Variants in CNTNAP2 observed in about 807,000 individuals in gnomAD.
CNTNAP2 encodes the protein contactin associated protein 2.
In CNTNAP2, 98 loss-of-function variants were observed where a neutral mutation model predicts 155.2. That is an observed-to-expected ratio of 0.63 (90% confidence interval 0.54 to 0.75). The LOEUF is 0.75. Ranked by LOEUF, CNTNAP2 falls within the 30% of genes least tolerant of loss-of-function variation. CNTNAP2 has a pLI of 0.00. For missense variants in CNTNAP2, 1,727 were observed against 1,688.1 expected (o/e 1.02, Z -0.40); for synonymous variants, 651 against 631.2 (o/e 1.03, Z -0.47).
At chr7:147,007,317 G>A (rs1008961204) in intron 3 of CNTNAP2, among the ~76,000 whole-genome samples, 1 of 152,026 alleles carries the variant, frequency 6.6e-6, no homozygotes, top group African/African-American at 2.4e-5. Flanking sequence ...TAACCACAGA[G>A]CATAAATTTT....
intron 21 of CNTNAP2, among the ~76,000 whole-genome samples, chr7:148,363,961 C>T (rs1299846137): frequency 1.3e-5 from 2 of 152,186 alleles, no homozygotes; most frequent in Non-Finnish European, 2.9e-5. Context: ...GGGCCAGTGG[C>T]TGCGGAGGGT....
intron 12 of CNTNAP2, among the ~76,000 whole-genome samples, chr7:147,604,144 A>G (rs577748532): frequency 1.5e-4 from 23 of 152,188 alleles, no homozygotes; most frequent in Admixed American, 9.2e-4. Flanking sequence ...AGGCATTACC[A>G]TTCAGGACAT....
At chr7:147,508,274 C>A (rs1321738988) in intron 11 of CNTNAP2, among the ~76,000 whole-genome samples, 1 of 152,160 alleles carries the variant, frequency 6.6e-6, no homozygotes, top group African/African-American at 2.4e-5. Context: ...CCCTGTCCCC[C>A]ATTCCAACCA....
chr7:146,920,912 C>A (rs1406682291), intron 3 of CNTNAP2, among the ~76,000 whole-genome samples: 1 of 152,020 alleles, frequency 6.6e-6, no homozygotes, highest in African/African-American at 2.4e-5. Context: ...ATACAGGAAC[C>A]AGTAAAACAA....
chr7:147,061,407 A>C (rs1799667549), intron 4 of CNTNAP2, among the ~76,000 whole-genome samples: 1 of 152,242 alleles, frequency 6.6e-6, no homozygotes. Flanking sequence ...TCAGATGCAC[A>C]TAAAAGTTCT....
chr7:147,084,511 T>C (rs1333570789), intron 4 of CNTNAP2, among the ~76,000 whole-genome samples: 1 of 141,802 alleles, frequency 7.1e-6, no homozygotes, highest in African/African-American at 2.5e-5. Flanking sequence ...AAATGCTCTA[T>C]ATTGTATATA....
Position 147,662,841 on chromosome 7 carries a change from A to G in CNTNAP2, c.2098+23535A>G, listed in dbSNP as rs533960294. On this transcript the variant is annotated intron_variant, in intron 13 of 23. Coordinates refer to ENST00000361727, the MANE Select transcript of CNTNAP2 (RefSeq NM_014141.6). ...ATCTAGCAAATTAATACAACCAACG[A>G]AAGCCGACAGACTACATTGATTTGA... 1.5e-3 allele frequency among the ~76,000 whole-genome samples: 224 copies of G among 152,334 alleles called. 1 individual carries two copies. Among genetic ancestry groups the G allele is most frequent in the African/African-American group, 5.1e-3 (213 of 41,574 alleles).
chr7:146,417,502 G>C (rs1795954117), intron 1 of CNTNAP2, among the ~76,000 whole-genome samples: 1 of 152,142 alleles, frequency 6.6e-6, no homozygotes, highest in African/African-American at 2.4e-5. Flanking sequence ...AGTTAAACAT[G>C]AAGACAACTT....
rs912390316 is a variant in CNTNAP2, at chr7:148,208,700, T to C, written c.3011-8588T>C. 6.8e-4 allele frequency among the ~76,000 whole-genome samples: 104 copies of C among 152,228 alleles called. 1 individual carries two copies. Among genetic ancestry groups the C allele is most frequent in the African/African-American group, 2.5e-3 (102 of 41,542 alleles). ...TGAATGGAGTTCAGGCCAAAATCAA[T>C]GATTAGGAAGTGAAAATGAGGAGAT... On this transcript the variant is annotated intron_variant, in intron 18 of 23. Coordinates refer to ENST00000361727, the MANE Select transcript of CNTNAP2 (RefSeq NM_014141.6).
At chr7:147,386,850 T>G (rs1161622603) in intron 9 of CNTNAP2, among the ~76,000 whole-genome samples, 1 of 152,206 alleles carries the variant, frequency 6.6e-6, no homozygotes, top group East Asian at 1.9e-4. Flanking sequence ...ATTTTCATGC[T>G]GCTGATAAAA....
chr7:147,105,375 G>T (rs1019189115), intron 4 of CNTNAP2, among the ~76,000 whole-genome samples: 2 of 151,902 alleles, frequency 1.3e-5, no homozygotes, highest in South Asian at 4.1e-4. Flanking sequence ...TGTTCAGATT[G>T]CTTAAACAGT....
rs61732849 is a variant in CNTNAP2, at chr7:147,562,214, C to A, written c.1854C>A (p.Gly618=). The A allele has an allele frequency of 6.2e-7, 1 of 1,613,988 alleles. No individual in the cohort carries two copies. The highest frequency in any genetic ancestry group is 8.5e-7 in the Non-Finnish European group (1 of 1,179,922). ...TSNYYWIDPD[G]SGPLGPLKVY... Reference sequence around the variant, plus strand: ...ATTATTACTGGATAGATCCTGATGGCAGCGGACCTCTGGGGCCTCTGAAAG... The same window carrying A: ...ATTATTACTGGATAGATCCTGATGGAAGCGGACCTCTGGGGCCTCTGAAAG... The change falls in exon 12 of 24, where the codon GGC becomes GGA. Residue 618 remains glycine, a synonymous_variant. Coordinates refer to ENST00000361727, the MANE Select transcript of CNTNAP2 (RefSeq NM_014141.6).
chr7:146,507,913 T>C (rs1265677952), intron 1 of CNTNAP2, among the ~76,000 whole-genome samples: 1 of 152,154 alleles, frequency 6.6e-6, no homozygotes, highest in Non-Finnish European at 1.5e-5. Flanking sequence ...TTCCTGGCTC[T>C]CTGGTGTGAT....
At chr7:146,779,659 GA>G (rs1191599124) in intron 2 of CNTNAP2, among the ~76,000 whole-genome samples, 1 of 152,150 alleles carries the variant, frequency 6.6e-6, no homozygotes, top group East Asian at 1.9e-4. Flanking sequence ...TTACTTAGTA[GA>G]TATGTCTAAG....
At chr7:147,787,840 T>A (rs1797762079) in intron 13 of CNTNAP2, among the ~76,000 whole-genome samples, 1 of 152,220 alleles carries the variant, frequency 6.6e-6, no homozygotes. Context: ...AAACAACACT[T>A]AATGCATATG....
At chr7:147,802,602 C>T (rs889700142) in intron 13 of CNTNAP2, among the ~76,000 whole-genome samples, 2 of 152,042 alleles carry the variant, frequency 1.3e-5, no homozygotes, top group Non-Finnish European at 2.9e-5. Flanking sequence ...AGCGAAACCC[C>T]GTCTCCACCA....
intron 14 of CNTNAP2, among the ~76,000 whole-genome samples, chr7:147,922,348 C>T (rs1199573951): frequency 6.6e-6 from 1 of 152,176 alleles, no homozygotes; most frequent in African/African-American, 2.4e-5. Context: ...AGAAATCCAT[C>T]ACTGACACTA....
At chr7:147,541,165 G>A (rs1319898423) in intron 11 of CNTNAP2, among the ~76,000 whole-genome samples, 5 of 152,160 alleles carry the variant, frequency 3.3e-5, no homozygotes, top group Non-Finnish European at 7.3e-5. Context: ...TCTGGTAATT[G>A]ACACTAAATT....
intron 21 of CNTNAP2, among the ~76,000 whole-genome samples, chr7:148,382,282 C>T (rs1218220880): frequency 6.6e-6 from 1 of 152,166 alleles, no homozygotes; most frequent in Admixed American, 6.5e-5. Flanking sequence ...CATCGGAACC[C>T]CGTGCCCCAG....
Sources: gnomAD v4.1 joint callset for allele counts (sites outside exome capture counted in the v4.1 genomes callset) on GRCh38, gnomAD v4.1.1 for gene constraint, MANE v1.5 for transcripts, NCBI Gene and HGNC (gene_info 2026-07-23, HGNC 2026-07-21) for gene names.